NTM: variants seen among roughly 807,000 people sequenced by gnomAD.
NTM encodes the protein IgLON family member 2.
In NTM, 13 loss-of-function variants were observed where a neutral mutation model predicts 42.1. That is an observed-to-expected ratio of 0.31 (90% CI 0.20 to 0.49). The LOEUF (loss-of-function observed/expected upper bound fraction) is 0.49, where lower values mean the gene tolerates loss of function less well. Among genes scored for constraint, NTM ranks in the 20% least tolerant of loss-of-function variants. NTM has a pLI of 0.99. For synonymous variants in NTM, 187 were observed against 179.2 expected, an observed-to-expected ratio of 1.04 and a Z score of -0.35; for missense variants, 373 against 452.8, an observed-to-expected ratio of 0.82 and a Z score of 1.60.
chr11:131,805,767 C>T (rs948258486), intron 1 of NTM, among the ~76,000 whole-genome samples: 1 of 152,156 alleles, frequency 6.6e-6, no homozygotes, highest in African/African-American at 2.4e-5. Context: ...ATATCTTATT[C>T]ACATTTCTCT....
intron 2 of NTM, among the ~76,000 whole-genome samples, chr11:131,933,711 A>T (rs1385801325): frequency 6.6e-6 from 1 of 152,056 alleles, no homozygotes; most frequent in Non-Finnish European, 1.5e-5. Context: ...CAGAATAAGG[A>T]GAGGAAGAAT....
intron 1 of NTM, among the ~76,000 whole-genome samples, chr11:131,633,619 C>CT (rs2063907389): frequency 3.9e-5 from 2 of 51,716 alleles, no homozygotes; most frequent in African/African-American, 6.1e-5. Context: ...CTCACTCTCT[C>CT]CCTCTCTCTA....
intron 1 of NTM, among the ~76,000 whole-genome samples, chr11:131,731,587 C>G (rs774426717): frequency 1.2e-4 from 19 of 152,320 alleles, no homozygotes; most frequent in African/African-American, 4.3e-4. Context: ...CCAATCATCA[C>G]CTTTCCAGTC....
At position 131,774,559 on chromosome 11, in the gene NTM, C is replaced by T. The variant is rs185646612; in HGVS notation, c.83-137005C>T. Among the ~76,000 whole-genome samples the T allele has an allele frequency of 5.4e-4, 82 of 152,186 alleles. 3 individuals carry two copies. In the Middle Eastern group the frequency reaches 0.01, roughly 19 times the overall value. On this transcript the variant is annotated intron_variant, in intron 1 of 8. Transcript: ENST00000683400. Reference sequence around the variant, plus strand: ...TTGTCAGAGATTTATTGATGGCATGCGGAATACATGAGGAGTGTAAGATTT... The same window carrying T: ...TTGTCAGAGATTTATTGATGGCATGTGGAATACATGAGGAGTGTAAGATTT...
intron 2 of NTM, among the ~76,000 whole-genome samples, chr11:131,925,065 T>G (rs2057757208): frequency 6.6e-6 from 1 of 152,222 alleles, no homozygotes; most frequent in Non-Finnish European, 1.5e-5. Context: ...ACATGTCTGC[T>G]TTATTCTACA....
intron 1 of NTM, among the ~76,000 whole-genome samples, chr11:131,388,465 T>A (rs931168221): frequency 6.7e-6 from 1 of 148,450 alleles, no homozygotes; most frequent in African/African-American, 2.5e-5. Context: ...TAATTGGGCA[T>A]CTTTTTCTTG....
chr11:131,996,896 G>T (rs2068153297), intron 2 of NTM, among the ~76,000 whole-genome samples: 1 of 152,066 alleles, frequency 6.6e-6, no homozygotes, highest in African/African-American at 2.4e-5. Flanking sequence ...CCCTCTAGAT[G>T]GAGGGAAACA....
intron 1 of NTM, among the ~76,000 whole-genome samples, chr11:131,891,941 T>C (rs1478854679): frequency 1.3e-5 from 2 of 152,218 alleles, no homozygotes; most frequent in East Asian, 1.9e-4. Context: ...AAACACTTCT[T>C]ACTCTCTAAA....
intron 2 of NTM, among the ~76,000 whole-genome samples, chr11:131,986,982 G>T (rs1220790474): frequency 1.3e-5 from 2 of 152,164 alleles, no homozygotes; most frequent in Non-Finnish European, 2.9e-5. Flanking sequence ...TGTTAACCAA[G>T]AGATGAAAGG....
chr11:131,510,526 G>GTT (rs1330415549), intron 1 of NTM, among the ~76,000 whole-genome samples: 4 of 152,176 alleles, frequency 2.6e-5, no homozygotes, highest in African/African-American at 9.7e-5. Flanking sequence ...CCTGTTACAA[G>GTT]ACTGTGGTCA....
chr11:131,725,695 G>T (rs1479271234), intron 1 of NTM, among the ~76,000 whole-genome samples: 1 of 152,166 alleles, frequency 6.6e-6, no homozygotes, highest in Admixed American at 6.5e-5. Flanking sequence ...GCACCTATAG[G>T]GCCTTGAAGG....
At chr11:131,571,336 G>T (rs768346663) in intron 1 of NTM, among the ~76,000 whole-genome samples, 2 of 152,176 alleles carry the variant, frequency 1.3e-5, no homozygotes, top group African/African-American at 2.4e-5. Flanking sequence ...CGTACTTGAC[G>T]ATTTACATAT....
At chr11:132,309,039 C>G (rs4937692) in intron 5 of NTM, among the ~76,000 whole-genome samples, 9,030 of 152,194 alleles carry the variant, frequency 0.059, 547 homozygotes, top group East Asian at 0.18. Context: ...AAGATAAAAG[C>G]AAATTAGTTG....
intron 1 of NTM, among the ~76,000 whole-genome samples, chr11:131,859,212 C>T (rs892903355): frequency 2.0e-5 from 3 of 152,144 alleles, no homozygotes; most frequent in Non-Finnish European, 4.4e-5. Context: ...TTATAGAGTT[C>T]ACAATTTAGT....
intron 1 of NTM, among the ~76,000 whole-genome samples, chr11:131,827,633 T>G (rs2042293814): frequency 6.6e-6 from 1 of 152,188 alleles, no homozygotes; most frequent in African/African-American, 2.4e-5. Flanking sequence ...CCTTTATCGC[T>G]GTCCTCTACA....
chr11:132,237,062 G>T (rs577866719), intron 4 of NTM, among the ~76,000 whole-genome samples: 6 of 152,306 alleles, frequency 3.9e-5, no homozygotes, highest in South Asian at 2.1e-4. Flanking sequence ...GATGAGATCT[G>T]CTGGTTGAGC....
At chr11:132,190,517 T>C (rs1361357446) in intron 3 of NTM, among the ~76,000 whole-genome samples, 1 of 151,792 alleles carries the variant, frequency 6.6e-6, no homozygotes, top group South Asian at 2.1e-4. Flanking sequence ...GCAGGTGGAT[T>C]GTGAGGTCAG....
At chr11:131,911,074 GC>G in intron 1 of NTM, 1 of 1,115,270 alleles carries the variant, frequency 9.0e-7, no homozygotes, top group Non-Finnish European at 1.1e-6. Flanking sequence ...GCTGGATGAA[GC>G]CCACCCCGTC....
At chr11:131,903,632 G>A (rs1240252884) in intron 1 of NTM, among the ~76,000 whole-genome samples, 2 of 152,232 alleles carry the variant, frequency 1.3e-5, no homozygotes, top group East Asian at 3.9e-4. Flanking sequence ...TTCTGTGCAG[G>A]AAGGATTGAT....
Sources: allele counts gnomAD v4.1 joint callset (sites outside exome capture counted in the v4.1 genomes callset), GRCh38; gene constraint gnomAD v4.1.1; transcripts MANE v1.5; gene names NCBI Gene and HGNC (gene_info 2026-07-23, HGNC 2026-07-21).